Variants in MTHFSD observed in about 807,000 individuals in gnomAD.
MTHFSD encodes methenyltetrahydrofolate synthetase domain containing.
In MTHFSD, 37 loss-of-function variants were observed where a neutral mutation model predicts 31.1. The ratio of observed to expected loss-of-function variants is 1.19; its 90% CI spans 0.91 to 1.56. MTHFSD has a LOEUF of 1.56. MTHFSD is among the 40% of genes most tolerant of loss of function. The pLI is 0.00. For synonymous variants in MTHFSD, 221 were observed against 206.9 expected (o/e 1.07, Z -0.59); for missense variants, 664 against 510.1 (o/e 1.30, Z -2.91).
rs565521915 is a variant in MTHFSD at position 86,554,304 on chromosome 16, A to T, written c.123+341T>A. ...AACTCTGAACACATCCAAACATCAGAAGGAACAAACTCCAGACACGCTGCC... is the reference window on the plus strand; with the variant it reads ...AACTCTGAACACATCCAAACATCAGTAGGAACAAACTCCAGACACGCTGCC... On this transcript the variant is annotated intron_variant, in intron 2 of 7. Coordinates refer to ENST00000360900, the MANE Select transcript of MTHFSD (RefSeq NM_001159377.2). 3.9e-5 allele frequency among the ~76,000 whole-genome samples: 6 copies of T among 152,328 alleles called. No homozygotes were observed. In the East Asian group the frequency reaches 1.2e-3, roughly 29 times the overall value.
intron 7 of MTHFSD, among the ~76,000 whole-genome samples, chr16:86,537,723 G>T (rs1015698205): frequency 6.6e-6 from 1 of 152,196 alleles, no homozygotes; most frequent in Non-Finnish European, 1.5e-5. Context: ...TTTTCTTGAG[G>T]TATCTGTAGA....
At position 86,532,136 on chromosome 16, in the gene MTHFSD, G is replaced by A. The variant is rs541512635; in HGVS notation, c.1027C>T (p.Arg343Cys). The part of the protein sequence containing the change: ...PLRLTWQGPR[R>C]RAFLHYPDSA... The stretch of plus-strand genomic sequence containing the variant: ...TCCGGGTAATGGAGGAAGGCTCTGC[G>A]CCGCGGGCCCTGCCAGGTGAGCCGC... Residue 343 changes from arginine (R) to cysteine (C), a missense_variant, in exon 8 of 8, where the codon CGC becomes TGC. Transcript: ENST00000360900. 1.3e-4 allele frequency: 203 copies of A among 1,556,832 alleles called. No individual in the cohort carries two copies. Among genetic ancestry groups the A allele is most frequent in the Middle Eastern group, 1.7e-4 (1 of 5,790 alleles).
Position 86,532,140 on chromosome 16 carries a change from C to A in MTHFSD, c.1023G>T (p.Pro341=), listed in dbSNP as rs754311858. 1.9e-6 allele frequency: 3 copies of A among 1,559,054 alleles called. No individual in the cohort carries two copies. The African/African-American group carries it at 4.1e-5, about 21-fold the overall frequency. ...GGTAATGGAGGAAGGCTCTGCGCCG[C>A]GGGCCCTGCCAGGTGAGCCGCAGGG... ...SVPLRLTWQG[P]RRRAFLHYPD... is the part of the protein sequence containing the mutation. Residue 341 remains proline, a synonymous_variant, in exon 8 of 8, where the codon CCG becomes CCT. Transcript: ENST00000360900.
At position 86,547,638 on chromosome 16, in the gene MTHFSD, C is replaced by G. The variant is rs1385655476; in HGVS notation, c.351+826G>C. The G allele has an allele frequency of 4.9e-6, 4 of 821,890 alleles. No homozygotes were observed. In the East Asian group the frequency reaches 5.0e-4, roughly 102 times the overall value. The allele number at this position is 821,890 out of a possible 1,614,324, so 50.9% of individuals were successfully genotyped here. A position where few individuals can be genotyped will look rare whatever the true frequency, so the allele number is the denominator to read the frequency against. On this transcript the variant is annotated intron_variant, in intron 4 of 7. Coordinates refer to ENST00000360900, the MANE Select transcript of MTHFSD (RefSeq NM_001159377.2). ...CCATGCTTTCGTCTCAGTTTTCTATCTTTCTTTTTCCTTTGCTCCTTTCTC... is the reference window on the plus strand; with the variant it reads ...CCATGCTTTCGTCTCAGTTTTCTATGTTTCTTTTTCCTTTGCTCCTTTCTC...
intron 7 of MTHFSD, among the ~76,000 whole-genome samples, chr16:86,537,517 CA>C (rs1265248835): frequency 6.6e-6 from 1 of 152,090 alleles, no homozygotes; most frequent in Admixed American, 6.5e-5. Context: ...GGTAAATTAT[CA>C]GGTCAAATAC....
intron 7 of MTHFSD, chr16:86,540,647 G>A (rs766134356): frequency 3.0e-4 from 295 of 984,084 alleles, no homozygotes; most frequent in Non-Finnish European, 3.4e-4. Context: ...GCTCTGTCTC[G>A]TGCATTGGCT....
chr16:86,548,557 A>C lies in MTHFSD; in HGVS notation c.258T>G (p.Val86=). 4 of 1,611,680 alleles carry C rather than the reference A, an allele frequency of 2.5e-6. No individual in the cohort carries two copies. Among genetic ancestry groups the C allele is most frequent in the Non-Finnish European group, 3.4e-6 (4 of 1,179,404 alleles). ...ATCCCGTTCTCAGTCGTGGTGTTGG[A>C]ACCAACAATGTTTTTTTGCTCTTTT... ...LVLQSKKTLL[V]PTPRLRTGLF... The change falls in exon 4 of 8, where the codon GTT becomes GTG. Residue 86 remains valine, a synonymous_variant. Coordinates refer to ENST00000360900, the MANE Select transcript of MTHFSD (RefSeq NM_001159377.2).
chr16:86,554,991 G>A (rs1037450542), intron 1 of MTHFSD, 178 bp downstream of exon 1: 4 of 1,361,262 alleles, frequency 2.9e-6, no homozygotes, highest in South Asian at 3.0e-5. Context: ...TCGGGATTCC[G>A]GGCGAGAGAG....
In MTHFSD at chr16:86,532,129, G is replaced by A; in HGVS notation, c.1034C>T (p.Ala345Val). The change falls in exon 8 of 8, where the codon GCC (alanine) becomes GTC (valine). Residue 345 changes from alanine (A) to valine (V), a missense_variant. By Grantham distance (64) the Ala-to-Val change is moderately conservative. Coordinates refer to ENST00000360900, the MANE Select transcript of MTHFSD (RefSeq NM_001159377.2). ...RLTWQGPRRR[A>V]FLHYPDSAAA... ...GGCAGAGTCCGGGTAATGGAGGAAG[G>A]CTCTGCGCCGCGGGCCCTGCCAGGT... 6.4e-7 allele frequency: 1 copy of A among 1,555,422 alleles called. No individual in the cohort carries two copies. The highest frequency in any genetic ancestry group is 8.7e-7 in the Non-Finnish European group (1 of 1,150,688).
chr16:86,541,189 A>C (rs1443965643), intron 7 of MTHFSD: 5 of 1,289,588 alleles, frequency 3.9e-6, no homozygotes, highest in Non-Finnish European at 4.0e-6. Context: ...AACCTGTGCC[A>C]TTACCTAATC....
chr16:86,547,303 A>G (rs1972463602), intron 4 of MTHFSD: 4 of 985,778 alleles, frequency 4.1e-6, no homozygotes, highest in Non-Finnish European at 4.8e-6. Flanking sequence ...GGGAAGCTGA[A>G]TATGTTCATG....
chr16:86,541,522 T>C (rs1971512189), intron 7 of MTHFSD, 175 bp downstream of exon 7: 1 of 872,532 alleles, frequency 1.1e-6, no homozygotes, highest in Admixed American at 2.7e-5. Flanking sequence ...ACGCAGATTC[T>C]TAGGCCTGGG....
rs1973885147 is a variant in MTHFSD at position 86,555,017 on chromosome 16, G to C, written c.16+152C>G. The C allele has an allele frequency of 1.1e-5, 16 of 1,415,970 alleles. 1 individual carries two copies. Among genetic ancestry groups the C allele is most frequent in the Non-Finnish European group, 1.5e-5 (16 of 1,078,932 alleles). The allele number at this position is 1,415,970 out of a possible 1,614,324, so 87.7% of individuals were successfully genotyped here. On this transcript the variant is annotated intron_variant, in intron 1 of 7. Transcript: ENST00000360900. ...GGCGAGAGAGCCGCTGGTTCGACCC[G>C]AACCCAGCACAGACCCCCTCTGACC...
At chr16:86,536,218 C>T (rs1970672643) in intron 7 of MTHFSD, among the ~76,000 whole-genome samples, 1 of 152,208 alleles carries the variant, frequency 6.6e-6, no homozygotes, top group Non-Finnish European at 1.5e-5. Context: ...AGTTCTCTTG[C>T]CTGAGACTAA....
At chr16:86,541,581 G>T in intron 7 of MTHFSD, 116 bp downstream of exon 7, 1 of 1,421,794 alleles carries the variant, frequency 7.0e-7, no homozygotes, top group Non-Finnish European at 9.6e-7. Context: ...CTCCTTGGGT[G>T]ATTCTAACAT....
At position 86,548,375 on chromosome 16, in the gene MTHFSD, A is replaced by G. The variant is rs1597371175; in HGVS notation, c.351+89T>C. The G allele has an allele frequency of 7.3e-6, 8 of 1,092,632 alleles. No homozygotes were observed. The South Asian group carries it at 9.5e-5, about 13-fold the overall frequency. 67.7% of individuals were successfully genotyped at this position (1,092,632 alleles called of 1,614,324 possible). A position where few individuals can be genotyped will look rare whatever the true frequency, so the allele number is the denominator to read the frequency against. ...TTGGCTCTGTTAAAAATGAATTCCA[A>G]CTGTGTGCTGCTATCTTATGCTAAG... On this transcript the variant is annotated intron_variant, in intron 4 of 7. Transcript: ENST00000360900.
Position 86,542,371 on chromosome 16 carries a change from G to A in MTHFSD, c.443-158C>T. The A allele has an allele frequency of 1.6e-6, 1 of 625,772 alleles. No homozygotes were observed. The allele number at this position is 625,772 out of a possible 1,614,324, so 38.8% of individuals were successfully genotyped here. A position where few individuals can be genotyped will look rare whatever the true frequency, so the allele number is the denominator to read the frequency against. On this transcript the variant is annotated intron_variant, in intron 5 of 7. Transcript: ENST00000360900. The surrounding 1 kb of genome is among the most constrained non-coding windows in gnomAD (Gnocchi z 4.6). ...AATGCCCACCAAATGCCCACAAGCA[G>A]CCCACACTGACGATGGACTTTTGGG...
At chr16:86,553,966 G>A (rs999517580) in intron 2 of MTHFSD, among the ~76,000 whole-genome samples, 4 of 152,178 alleles carry the variant, frequency 2.6e-5, no homozygotes, top group African/African-American at 9.7e-5. Flanking sequence ...GAGAACTTTT[G>A]TGTCTAGCTC....
At chr16:86,541,477 A>G in intron 7 of MTHFSD, 2 of 692,744 alleles carry the variant, frequency 2.9e-6, no homozygotes, top group Non-Finnish European at 2.3e-6. Flanking sequence ...GGCAGATTTT[A>G]AACCTAGCTG....
Sources: allele counts gnomAD v4.1 joint callset (sites outside exome capture counted in the v4.1 genomes callset), GRCh38; gene constraint gnomAD v4.1.1; non-coding constraint Gnocchi (gnomAD v3.1); transcripts MANE v1.5; gene names NCBI Gene and HGNC (gene_info 2026-07-23, HGNC 2026-07-21).